Variants in SBF2 observed in about 807,000 individuals in gnomAD.
The protein encoded by SBF2 is SET binding factor 2.
SBF2 carries 112 observed loss-of-function variants against 225.2 expected under a neutral mutation model. That is an observed-to-expected ratio of 0.50 (90% CI 0.43 to 0.58). The LOEUF is 0.58. Ranked by LOEUF, SBF2 falls within the 20% of genes least tolerant of loss-of-function variation. SBF2 has a pLI of 0.00. For synonymous variants in SBF2, 763 were observed against 773.3 expected (o/e 0.99, Z 0.22); for missense variants, 1,996 against 2,206.2 (o/e 0.90, Z 1.91).
chr11:10,053,232 T>A (rs1016889840), intron 2 of SBF2, among the ~76,000 whole-genome samples: 1 of 152,180 alleles, frequency 6.6e-6, no homozygotes, highest in African/African-American at 2.4e-5. Flanking sequence ...TAATTTTTTA[T>A]AATTAATGCT....
At chr11:9,923,361 C>G (rs1194252459) in intron 16 of SBF2, among the ~76,000 whole-genome samples, 1 of 152,156 alleles carries the variant, frequency 6.6e-6, no homozygotes, top group African/African-American at 2.4e-5. Context: ...CTGAGTTCTA[C>G]AATGGAGAGA....
intron 1 of SBF2, among the ~76,000 whole-genome samples, chr11:10,236,173 C>G (rs1454156934): frequency 6.6e-6 from 1 of 152,124 alleles, no homozygotes; most frequent in African/African-American, 2.4e-5. Flanking sequence ...CGATTTAGGT[C>G]CAGCTTGGTG....
chr11:10,256,582 G>A (rs1960886026), intron 1 of SBF2, among the ~76,000 whole-genome samples: 1 of 152,186 alleles, frequency 6.6e-6, no homozygotes, highest in East Asian at 1.9e-4. Flanking sequence ...ATGAGCTATG[G>A]TTGTAGCTTC....
intron 16 of SBF2, among the ~76,000 whole-genome samples, chr11:9,919,855 T>C: frequency 6.6e-6 from 1 of 152,010 alleles, no homozygotes; most frequent in East Asian, 1.9e-4. Flanking sequence ...CCTCAGCCTC[T>C]CAAGAAGCTG....
rs768540192 is a variant in SBF2, at chr11:9,856,571, A to G, written c.2250T>C (p.Phe750=). ...CTAGCAGGTTCACCATGAGGTTTGC[A>G]AAGTGAATGGCCTGACTAAAGACAG... ...ESTVFSQAIH[F]ANLMVNLLVP... The change falls in exon 19 of 40, where the codon TTT becomes TTC. Residue 750 remains phenylalanine (F), a synonymous_variant. Coordinates refer to ENST00000256190, the MANE Select transcript of SBF2 (RefSeq NM_030962.4). 1 of 1,614,124 alleles carries G rather than the reference A, an allele frequency of 6.2e-7. No individual in the cohort carries two copies. The highest frequency in any genetic ancestry group is 8.5e-7 in the Non-Finnish European group (1 of 1,180,010).
chr11:10,134,926 T>C (rs1164578135), intron 2 of SBF2, among the ~76,000 whole-genome samples: 1 of 152,222 alleles, frequency 6.6e-6, no homozygotes, highest in Non-Finnish European at 1.5e-5. Flanking sequence ...AGCAGCCCAG[T>C]GGGGACTCTG....
At chr11:10,195,566 T>C (rs767349642) in intron 1 of SBF2, among the ~76,000 whole-genome samples, 3 of 152,244 alleles carry the variant, frequency 2.0e-5, no homozygotes, top group Non-Finnish European at 4.4e-5. Context: ...GAATTCATTT[T>C]GTTAATATAC....
chr11:10,010,170 T>A (rs117427439), intron 6 of SBF2, among the ~76,000 whole-genome samples: 13,281 of 152,204 alleles, frequency 0.087, 661 homozygotes, highest in Middle Eastern at 0.17. Flanking sequence ...AGATTGGAAA[T>A]ATTTTCTCGC....
chr11:10,058,934 C>A (rs10770085), intron 2 of SBF2, among the ~76,000 whole-genome samples: 77,510 of 151,992 alleles, frequency 0.51, 20,194 homozygotes, highest in Admixed American at 0.6. Flanking sequence ...TGGAGAAATA[C>A]GATCCTTTTC....
intron 17 of SBF2, among the ~76,000 whole-genome samples, chr11:9,866,973 A>C (rs1352192243): frequency 6.6e-6 from 1 of 152,246 alleles, no homozygotes; most frequent in African/African-American, 2.4e-5. Flanking sequence ...ATATTAAAAA[A>C]TGCTCAGCAT....
At chr11:9,995,872 C>G (rs7113715) in intron 9 of SBF2, among the ~76,000 whole-genome samples, 28,504 of 147,552 alleles carry the variant, frequency 0.19, 2,854 homozygotes, top group East Asian at 0.27. Flanking sequence ...GTTGGTCAGG[C>G]TGGTCTCGAA....
At chr11:10,030,132 C>G (rs1022411325) in intron 4 of SBF2, among the ~76,000 whole-genome samples, 2 of 152,178 alleles carry the variant, frequency 1.3e-5, no homozygotes, top group African/African-American at 4.8e-5. Context: ...GCTCTGATAA[C>G]TACTCTAGCA....
chr11:10,139,702 G>C (rs143474378), intron 2 of SBF2, among the ~76,000 whole-genome samples: 1 of 152,048 alleles, frequency 6.6e-6, no homozygotes, highest in Non-Finnish European at 1.5e-5. Context: ...CAATAAAAAG[G>C]ATGGTGTTAA....
chr11:9,854,555 T>G (rs933192371), intron 19 of SBF2, among the ~76,000 whole-genome samples: 3 of 152,184 alleles, frequency 2.0e-5, no homozygotes, highest in African/African-American at 7.2e-5. Context: ...GAGAGAGCAC[T>G]GTCATCTATA....
chr11:9,932,957 C>CAAAAAAAAAAAAAAAAAA (rs574177096), intron 16 of SBF2, among the ~76,000 whole-genome samples: 5 of 58,774 alleles, frequency 8.5e-5, no homozygotes, highest in African/African-American at 2.2e-4. Flanking sequence ...AAACGAAAAG[C>CAAAAAAAAAAAAAAAAAA]AAAAAAAAAA....
intron 16 of SBF2, among the ~76,000 whole-genome samples, chr11:9,921,231 C>T (rs1240989322): frequency 1.3e-5 from 2 of 151,970 alleles, no homozygotes; most frequent in Non-Finnish European, 2.9e-5. Flanking sequence ...CCACCATGCC[C>T]GGCTAATTTT....
chr11:10,113,274 G>A (rs1389735820), intron 2 of SBF2, among the ~76,000 whole-genome samples: 3 of 152,156 alleles, frequency 2.0e-5, no homozygotes, highest in African/African-American at 4.8e-5. Flanking sequence ...GATTACAGGC[G>A]TGAGCCACCA....
At chr11:9,850,953 T>C (rs1040011995) in intron 21 of SBF2, among the ~76,000 whole-genome samples, 15 of 151,942 alleles carry the variant, frequency 9.9e-5, no homozygotes, top group Admixed American at 3.3e-4. Context: ...CTGGCCAACA[T>C]AGTGAAACCC....
chr11:9,826,272 T>C (rs772699292), intron 28 of SBF2, among the ~76,000 whole-genome samples: 20 of 152,208 alleles, frequency 1.3e-4, no homozygotes, highest in African/African-American at 1.9e-4. Flanking sequence ...CCATAGCTAA[T>C]GCAGTTTTAG....
Sources: gnomAD v4.1 joint callset for allele counts (sites outside exome capture counted in the v4.1 genomes callset) on GRCh38, gnomAD v4.1.1 for gene constraint, MANE v1.5 for transcripts, NCBI Gene and HGNC (gene_info 2026-07-23, HGNC 2026-07-21) for gene names.